The following COL5A1 variants were observed in gnomAD, a reference collection of about 807,000 sequenced individuals.
COL5A1 encodes the protein collagen alpha-1(V) chain.
In COL5A1, 16 loss-of-function variants were observed where a neutral mutation model predicts 263.7. The observed-to-expected ratio is 0.06, with a 90% confidence interval of 0.04 to 0.09. COL5A1 has a LOEUF of 0.09. COL5A1 is among the 10% of genes least tolerant of loss of function. The probability of loss-of-function intolerance (pLI) is 1.00; values close to 1 mark genes in which losing one functional copy is unlikely to be tolerated. For synonymous variants in COL5A1, 1,012 were observed against 1,004.5 expected, an observed-to-expected ratio of 1.01 and a Z score of -0.14; for missense variants, 2,036 against 2,540.5, an observed-to-expected ratio of 0.80 and a Z score of 4.27.
At chr9:134,719,692 T>C (rs1261932257) in intron 4 of COL5A1, among the ~76,000 whole-genome samples, 1 of 152,196 alleles carries the variant, frequency 6.6e-6, no homozygotes, top group Non-Finnish European at 1.5e-5. Context: ...TGGGTGGTGA[T>C]CGGCCTCTGC....
chr9:134,809,172 G>C lies in COL5A1; in HGVS notation c.3367-11G>C. ...AGCCACGTTTGACCTGAGATCTTCT[G>C]TATTCTCTAGGGCGAGAAAGGCCCA... On this transcript the variant is annotated splice_polypyrimidine_tract_variant and intron_variant, in intron 42 of 65. Coordinates refer to ENST00000371817, the MANE Select transcript of COL5A1 (RefSeq NM_000093.5). 1.9e-6 allele frequency: 3 copies of C among 1,563,880 alleles called. No individual in the cohort carries two copies. The highest frequency in any genetic ancestry group is 2.6e-6 in the Non-Finnish European group (3 of 1,152,738).
intron 29 of COL5A1, among the ~76,000 whole-genome samples, chr9:134,783,670 G>A (rs1445234736): frequency 6.6e-6 from 1 of 152,178 alleles, no homozygotes; most frequent in Non-Finnish European, 1.5e-5. Context: ...TGGCTTTCCA[G>A]AACAGGAAAG....
At position 134,812,549 on chromosome 9, in the gene COL5A1, G is replaced by A. The variant is rs147508352; in HGVS notation, c.3744+47G>A. 984 of 1,613,202 alleles carry A rather than the reference G, an allele frequency of 6.1e-4. 6 individuals are homozygous for A. In the African/African-American group the frequency reaches 0.011, roughly 18 times the overall value. ...AGGCCTTGCCGTACTAGCGGCTCAT[G>A]TTTTGGGGAAACATTTGCGTTTCCT... On this transcript the variant is annotated intron_variant, in intron 47 of 65. Coordinates refer to ENST00000371817, the MANE Select transcript of COL5A1 (RefSeq NM_000093.5).
At chr9:134,796,350 TC>T (rs749260939) in intron 34 of COL5A1, 23 bp from the exon 35 acceptor site, 2 of 1,612,746 alleles carry the variant, frequency 1.2e-6, no homozygotes. Flanking sequence ...CATAAGCTTT[TC>T]CCCCCTCTCC....
intron 22 of COL5A1, 64 bp downstream of exon 22, chr9:134,766,562 G>T: frequency 6.5e-7 from 1 of 1,527,534 alleles, no homozygotes; most frequent in Non-Finnish European, 9.0e-7. Context: ...CTCCTTGCCT[G>T]GCTAGGGAGG....
At position 134,691,043 on chromosome 9, in the gene COL5A1, G is replaced by T; in HGVS notation, c.241G>T (p.Ala81Ser). 1 of 1,613,526 alleles carries T rather than the reference G, an allele frequency of 6.2e-7. No individual in the cohort carries two copies. Among genetic ancestry groups the T allele is most frequent in the South Asian group, 1.1e-5 (1 of 91,084 alleles). Residue 81 changes from alanine (A) to serine (S), a missense_variant, in exon 2 of 66, where the codon GCG becomes TCG. Ala to Ser is a moderately conservative substitution (Grantham distance 99, BLOSUM62 1). Transcript: ENST00000371817. ...TGTCGCTTACAGAGTCACCAAAGAC[G>T]CGCAGCTCAGCGCACCCACCAAGCA... ...PDVAYRVTKD[A>S]QLSAPTKQLY...
At chr9:134,764,137 A>C (rs12375568) in intron 20 of COL5A1, among the ~76,000 whole-genome samples, 7,110 of 98,924 alleles carry the variant, frequency 0.072, 588 homozygotes, top group East Asian at 0.23. Flanking sequence ...GGTGGGGGGT[A>C]CAGGGGCATC....
chr9:134,722,558 A>T (rs1439956348), intron 4 of COL5A1, among the ~76,000 whole-genome samples: 1 of 152,218 alleles, frequency 6.6e-6, no homozygotes, highest in Non-Finnish European at 1.5e-5. Context: ...CCAGGGGTGC[A>T]TCAGGGCCCA....
At chr9:134,810,012 T>C (rs1838456687) in intron 43 of COL5A1, among the ~76,000 whole-genome samples, 1 of 152,238 alleles carries the variant, frequency 6.6e-6, no homozygotes, top group South Asian at 2.1e-4. Context: ...TCAATATGAC[T>C]TTTCCCACAT....
At chr9:134,792,814 TGTGC>T (rs1837750493) in intron 32 of COL5A1, among the ~76,000 whole-genome samples, 1 of 126,878 alleles carries the variant, frequency 7.9e-6, no homozygotes, top group East Asian at 2.1e-4. Context: ...CGTGCATGTG[TGTGC>T]ATGTGTGTGT....
At chr9:134,822,690 T>G (rs1024397199) in intron 59 of COL5A1, among the ~76,000 whole-genome samples, 1 of 149,608 alleles carries the variant, frequency 6.7e-6, no homozygotes, top group Non-Finnish European at 1.5e-5. Context: ...ATCAGCCCCT[T>G]CTGAGCCAGG....
chr9:134,719,332 A>C (rs1017466016), intron 4 of COL5A1, among the ~76,000 whole-genome samples: 1 of 152,260 alleles, frequency 6.6e-6, no homozygotes, highest in Admixed American at 6.5e-5. Context: ...CACACCGCAC[A>C]TGTGAATGCA....
intron 1 of COL5A1, among the ~76,000 whole-genome samples, chr9:134,685,203 T>C (rs1174367282): frequency 2.0e-5 from 3 of 146,630 alleles, no homozygotes; most frequent in Non-Finnish European, 4.5e-5. Context: ...TGTCCATCCA[T>C]CCATCCATCC....
At position 134,754,289 on chromosome 9, in the gene COL5A1, A is replaced by G; in HGVS notation, c.1790A>G (p.Gln597Arg). 1 of 1,613,966 alleles carries G rather than the reference A, an allele frequency of 6.2e-7. No individual in the cohort carries two copies. The highest frequency in any genetic ancestry group is 8.5e-7 in the Non-Finnish European group (1 of 1,180,034). The change falls in exon 16 of 66, where the codon CAA becomes CGA. Residue 597 changes from glutamine to arginine, a missense_variant. Gln to Arg is a conservative substitution (Grantham distance 43). This residue lies in a region of COL5A1 where 1,078 missense variants were observed against 1,521.4 expected (regional missense o/e 0.71). Transcript: ENST00000371817. The surrounding 1 kb of genome is among the most constrained non-coding windows in gnomAD (Gnocchi z 4.3). ...CCCTGGCAGGGTCCTCGAGGTGTGC[A>G]AGGCCCGCCTGGTCCGGCCGGGAAG... ...DVGPQGPRGV[Q>R]GPPGPAGKPG...
rs1274787630 is a variant in COL5A1 at position 134,680,697 on chromosome 9, G to T, written c.110-10215G>T. On this transcript the variant is annotated intron_variant, in intron 1 of 65. Coordinates refer to ENST00000371817, the MANE Select transcript of COL5A1 (RefSeq NM_000093.5). The surrounding 1 kb of genome is among the most constrained non-coding windows in gnomAD (Gnocchi z 5.9). Reference sequence around the variant, plus strand: ...CGCTGTTCTAATGCACCATGATGGGGTCTTGCAGGACGGTGACACTGGTGA... The same window carrying T: ...CGCTGTTCTAATGCACCATGATGGGTTCTTGCAGGACGGTGACACTGGTGA... Among the ~76,000 whole-genome samples, 2 of 152,230 alleles carry T rather than the reference G, an allele frequency of 1.3e-5. No homozygotes were observed. Among genetic ancestry groups the T allele is most frequent in the African/African-American group, 4.8e-5 (2 of 41,444 alleles).
intron 16 of COL5A1, among the ~76,000 whole-genome samples, chr9:134,756,327 C>T (rs556797604): frequency 9.8e-5 from 15 of 152,300 alleles, no homozygotes; most frequent in East Asian, 1.9e-4. Context: ...CCAGATGTGT[C>T]CTTTCTCTCT....
intron 2 of COL5A1, 104 bp from the exon 3 acceptor site, chr9:134,699,805 C>A: frequency 8.8e-7 from 1 of 1,141,078 alleles, no homozygotes; most frequent in Non-Finnish European, 1.3e-6. Context: ...CGACGGGCAG[C>A]ACAGCTTCCC....
In COL5A1 at chr9:134,740,707, C is replaced by T. The variant is rs78945144; in HGVS notation, c.1494+1899C>T. Among the ~76,000 whole-genome samples, 499 of 152,294 alleles carry T rather than the reference C, an allele frequency of 3.3e-3. 2 individuals carry two copies. The highest frequency in any genetic ancestry group is 0.011 in the African/African-American group (471 of 41,580). On this transcript the variant is annotated intron_variant, in intron 11 of 65. Transcript: ENST00000371817. ...GGGTGCTGGTTCACACCTCACCATG[C>T]GGTCCCTGCCTTTGGGCTGATCCTG...
intron 1 of COL5A1, among the ~76,000 whole-genome samples, chr9:134,666,917 C>G (rs1389803035): frequency 6.6e-6 from 1 of 152,204 alleles, no homozygotes; most frequent in South Asian, 2.1e-4. Flanking sequence ...GCTGCCTTTG[C>G]AAAATAACTC....
Sources: gnomAD v4.1 joint callset for allele counts (sites outside exome capture counted in the v4.1 genomes callset) on GRCh38, gnomAD v4.1.1 for gene constraint, gnomAD v4.1.1 regional missense constraint, Gnocchi (gnomAD v3.1) non-coding constraint, MANE v1.5 for transcripts, NCBI Gene and HGNC (gene_info 2026-07-23, HGNC 2026-07-21) for gene names.